NLGN1: variants seen among roughly 807,000 people sequenced by gnomAD.
NLGN1 encodes the protein neuroligin 1.
In NLGN1, 12 loss-of-function variants were observed where a neutral mutation model predicts 65.5. The ratio of observed to expected loss-of-function variants is 0.18; its 90% CI spans 0.12 to 0.30. NLGN1 has a LOEUF of 0.30. Ranked by LOEUF, NLGN1 falls within the 10% of genes least tolerant of loss-of-function variation. The probability of loss-of-function intolerance (pLI) is 1.00; values close to 1 mark genes in which losing one functional copy is unlikely to be tolerated. For missense variants in NLGN1, 750 were observed against 1,007.1 expected (o/e 0.74, Z 3.46); for synonymous variants, 350 against 359.5 (o/e 0.97, Z 0.30).
chr3:173,476,353 ATGT>A (rs1179154335), intron 2 of NLGN1, among the ~76,000 whole-genome samples: 4 of 152,220 alleles, frequency 2.6e-5, no homozygotes, highest in African/African-American at 9.6e-5. Context: ...GATAAGTTTA[ATGT>A]TGTAACTTTT....
chr3:174,136,599 T>G (rs1439017480), intron 4 of NLGN1: 6 of 152,106 alleles, frequency 3.9e-5, no homozygotes, highest in Non-Finnish European at 8.8e-5. Context: ...GAGATATTGT[T>G]TTCTTGACTC....
intron 3 of NLGN1, among the ~76,000 whole-genome samples, chr3:173,796,013 T>A (rs1713980812): frequency 6.6e-6 from 1 of 152,074 alleles, no homozygotes; most frequent in African/African-American, 2.4e-5. Flanking sequence ...TCCTAAAAAA[T>A]TCAGAGGCTT....
intron 2 of NLGN1, among the ~76,000 whole-genome samples, chr3:173,601,057 A>G (rs1404855982): frequency 6.6e-6 from 1 of 151,980 alleles, no homozygotes; most frequent in Non-Finnish European, 1.5e-5. Flanking sequence ...GGGACTATAC[A>G]TGCTTTAAGT....
At chr3:173,496,700 C>T (rs928481398) in intron 2 of NLGN1, among the ~76,000 whole-genome samples, 17 of 151,708 alleles carry the variant, frequency 1.1e-4, no homozygotes, top group African/African-American at 3.6e-4. Flanking sequence ...AAGGATTTTT[C>T]TTAATGAGAA....
At chr3:174,153,279 A>G (rs1261303512) in intron 4 of NLGN1, among the ~76,000 whole-genome samples, 1 of 152,188 alleles carries the variant, frequency 6.6e-6, no homozygotes, top group Non-Finnish European at 1.5e-5. Context: ...GACAATGCTC[A>G]GTATGATGAT....
intron 1 of NLGN1, among the ~76,000 whole-genome samples, chr3:173,405,640 C>T (rs1053267953): frequency 6.6e-6 from 1 of 151,950 alleles, no homozygotes; most frequent in Non-Finnish European, 1.5e-5. Context: ...AATCCTATCT[C>T]TTTTTTTCTC....
intron 3 of NLGN1, among the ~76,000 whole-genome samples, chr3:173,735,328 A>G (rs1773568575): frequency 6.6e-6 from 1 of 152,108 alleles, no homozygotes; most frequent in Non-Finnish European, 1.5e-5. Context: ...TCCCTTGCAC[A>G]TGGAACTACT....
chr3:174,162,504 C>T (rs999909040), intron 4 of NLGN1, among the ~76,000 whole-genome samples: 1 of 151,866 alleles, frequency 6.6e-6, no homozygotes, highest in Non-Finnish European at 1.5e-5. Context: ...TATGTTTGTT[C>T]TGCTTTTTAA....
chr3:173,647,923 G>A (rs2149622518), intron 3 of NLGN1, among the ~76,000 whole-genome samples: 2 of 152,162 alleles, frequency 1.3e-5, no homozygotes, highest in Middle Eastern at 3.4e-3. Flanking sequence ...GATAGACCTT[G>A]GTCTTTGAAC....
chr3:174,075,092 A>G (rs77722262), intron 4 of NLGN1, among the ~76,000 whole-genome samples: 4,944 of 152,260 alleles, frequency 0.032, 116 homozygotes, highest in African/African-American at 0.057. Context: ...TGGATGAGCT[A>G]TAGATGTTAT....
intron 4 of NLGN1, among the ~76,000 whole-genome samples, chr3:173,915,299 C>T (rs1740507434): frequency 3.3e-5 from 5 of 152,216 alleles, no homozygotes; most frequent in Admixed American, 2.6e-4. Context: ...ACCTACATCT[C>T]ATGAGTAACC....
chr3:174,018,297 A>G (rs1160355085), intron 4 of NLGN1, among the ~76,000 whole-genome samples: 3 of 152,062 alleles, frequency 2.0e-5, no homozygotes, highest in Non-Finnish European at 4.4e-5. Flanking sequence ...CGCAATCATC[A>G]CAGGGTCCTG....
intron 4 of NLGN1, among the ~76,000 whole-genome samples, chr3:174,032,454 G>C (rs564650854): frequency 6.6e-6 from 1 of 152,204 alleles, no homozygotes; most frequent in Non-Finnish European, 1.5e-5. Context: ...GTACAAGCTT[G>C]TTGTACAAAA....
rs984680498 is a variant in NLGN1, at chr3:174,242,483, T to C, written c.647-32832T>C. On this transcript the variant is annotated intron_variant, in intron 4 of 6. Transcript: ENST00000457714. The stretch of plus-strand genomic sequence containing the variant: ...CAAATGTATTTACAGCTGCTCCCCA[T>C]TGCTCACATTACTGCCTGCGCTCCA... Among the ~76,000 whole-genome samples, 3 of 152,248 alleles carry C rather than the reference T, an allele frequency of 2.0e-5. No individual in the cohort carries two copies. The Middle Eastern group carries it at 0.01, about 518-fold the overall frequency.
chr3:174,284,406 TTAGA>T (rs1423540576), exon 7 of NLGN1: 1 of 151,428 alleles, frequency 6.6e-6, no homozygotes, highest in East Asian at 1.9e-4. Flanking sequence ...ATGTATTTAT[TTAGA>T]TAATTTTCTT....
At chr3:173,655,935 T>C (rs1759955165) in intron 3 of NLGN1, among the ~76,000 whole-genome samples, 3 of 152,078 alleles carry the variant, frequency 2.0e-5, no homozygotes, top group Admixed American at 6.6e-5. Flanking sequence ...CAGAGATTCA[T>C]TGAAAATGAA....
intron 2 of NLGN1, among the ~76,000 whole-genome samples, chr3:173,438,995 C>T (rs565605054): frequency 2.0e-5 from 3 of 152,296 alleles, no homozygotes; most frequent in South Asian, 4.1e-4. Context: ...CAGAGATACT[C>T]ACTTTCTAAG....
At chr3:173,852,587 C>T (rs1223836705) in intron 4 of NLGN1, among the ~76,000 whole-genome samples, 2 of 151,990 alleles carry the variant, frequency 1.3e-5, no homozygotes, top group African/African-American at 4.8e-5. Context: ...CATTAAATAT[C>T]TTGTTGACCC....
At chr3:173,604,427 C>T (rs955998068) in exon 3 of NLGN1, 2 of 690,848 alleles carry the variant, frequency 2.9e-6, no homozygotes, top group Non-Finnish European at 2.5e-6. Flanking sequence ...TGCTCCAATA[C>T]ATGTGAAATC....
Sources: gnomAD v4.1 joint callset for allele counts (sites outside exome capture counted in the v4.1 genomes callset) on GRCh38, gnomAD v4.1.1 for gene constraint, MANE v1.5 for transcripts, NCBI Gene and HGNC (gene_info 2026-07-23, HGNC 2026-07-21) for gene names.